Variants in DAZAP1 observed in about 807,000 individuals in gnomAD.
DAZAP1 encodes DAZ associated protein 1.
In DAZAP1, 6 loss-of-function variants were observed where a neutral mutation model predicts 60.1. That is an observed-to-expected ratio of 0.10 (90% CI 0.05 to 0.20). The LOEUF (loss-of-function observed/expected upper bound fraction) is 0.20. Among genes scored for constraint, DAZAP1 ranks in the 10% least tolerant of loss-of-function variants. The pLI is 1.00. For missense variants in DAZAP1, 366 were observed against 560.4 expected (o/e 0.65, Z 3.50); for synonymous variants, 235 against 215.9 (o/e 1.09, Z -0.78).
chr19:1,422,425 C>G lies in DAZAP1; in HGVS notation c.463+29C>G. The G allele has an allele frequency of 6.2e-7, 1 of 1,608,378 alleles. No homozygotes were observed. The highest frequency in any genetic ancestry group is 1.7e-5 in the Admixed American group (1 of 59,890). On this transcript the variant is annotated intron_variant, in intron 6 of 11. Coordinates refer to ENST00000233078, the MANE Select transcript of DAZAP1 (RefSeq NM_018959.4). This position sits in a 1 kb window ranked among gnomAD's most constrained non-coding sequence, Gnocchi z 4.5. The stretch of plus-strand genomic sequence containing the variant: ...AGGGCAGATCTAGTTTGACCTCGGC[C>G]TTCTCCCTGCTCCTCCCTCAGATGG...
intron 1 of DAZAP1, among the ~76,000 whole-genome samples, chr19:1,413,598 C>G (rs1027777936): frequency 3.9e-5 from 6 of 152,224 alleles, no homozygotes; most frequent in Admixed American, 1.3e-4. Flanking sequence ...CACATGGACA[C>G]AGGAAGCTTT....
Position 1,430,233 on chromosome 19 carries a change from C to T in DAZAP1, c.742C>T (p.Pro248Ser). ...PAGQAIGGYGPPPAGRGAPPP... is the reference protein window; with the variant it reads ...PAGQAIGGYGSPPAGRGAPPP... ...ACTGTGTGTTTCAGGTGGCTATGGA[C>T]CGCCCCCTGCAGGAAGAGGAGCCCC... Residue 248 changes from proline (P) to serine (S), a missense_variant, in exon 10 of 12, where the codon CCG becomes TCG. By Grantham distance (74) the Pro-to-Ser change is moderately conservative. Transcript: ENST00000233078. The T allele has an allele frequency of 6.3e-7, 1 of 1,577,758 alleles. No homozygotes were observed. The highest frequency in any genetic ancestry group is 8.6e-7 in the Non-Finnish European group (1 of 1,161,336).
rs755344710 is a variant in DAZAP1, at chr19:1,432,686, G to A, written c.1044G>A (p.Gln348=). The stretch of plus-strand genomic sequence containing the variant: ...CTCAGCCAGACTTCCCCTATGGTCA[G>A]TATGGTAAGTGGTCTCCTGCCATGC... ...PTAQPDFPYG[Q]YAGYGQDLSG... is the part of the protein sequence containing the mutation. The change falls in exon 11 of 12, where the codon CAG becomes CAA. Residue 348 remains glutamine, a synonymous_variant. Coordinates refer to ENST00000233078, the MANE Select transcript of DAZAP1 (RefSeq NM_018959.4). The surrounding 1 kb of genome is among the most constrained non-coding windows in gnomAD (Gnocchi z 4.9). The A allele has an allele frequency of 1.9e-6, 3 of 1,599,164 alleles. No individual in the cohort carries two copies. The highest frequency in any genetic ancestry group is 1.7e-5 in the Admixed American group (1 of 58,942).
chr19:1,426,468 A>T lies in DAZAP1; in HGVS notation c.546+508A>T, dbSNP rs1203008268. 1 of 156,984 alleles carries T rather than the reference A, an allele frequency of 6.4e-6. No individual in the cohort carries two copies. The highest frequency in any genetic ancestry group is 1.4e-5 in the Non-Finnish European group (1 of 71,076). 9.7% of individuals were successfully genotyped at this position (156,984 alleles called of 1,614,324 possible). ...TCACTTACTGTGGAACTCCGGCACCAGCCACATGCTCTCGGTAGTACTCAG... is the reference window on the plus strand; with the variant it reads ...TCACTTACTGTGGAACTCCGGCACCTGCCACATGCTCTCGGTAGTACTCAG... On this transcript the variant is annotated intron_variant, in intron 7 of 11. Coordinates refer to ENST00000233078, the MANE Select transcript of DAZAP1 (RefSeq NM_018959.4). The surrounding 1 kb of genome is among the most constrained non-coding windows in gnomAD (Gnocchi z 5.4).
At position 1,435,097 on chromosome 19, in the gene DAZAP1, T is replaced by C. The variant is rs2083566054; in HGVS notation, c.*185T>C. On this transcript the variant is annotated 3_prime_UTR_variant, in exon 12 of 12. Transcript: ENST00000233078. ...TGAGGTTTTTAAATATTTCTTTCTC[T>C]AACCCATCAGCACAATAAAAAAAAG... 7.2e-6 allele frequency: 3 copies of C among 417,608 alleles called. No individual in the cohort carries two copies. The highest frequency in any genetic ancestry group is 1.2e-5 in the Non-Finnish European group (3 of 244,008). The allele number at this position is 417,608 out of a possible 1,614,324, so 25.9% of individuals were successfully genotyped here. A position where few individuals can be genotyped will look rare whatever the true frequency, so the allele number is the denominator to read the frequency against.
chr19:1,429,551 T>C (rs887882166), intron 8 of DAZAP1, among the ~76,000 whole-genome samples: 49 of 152,280 alleles, frequency 3.2e-4, no homozygotes, highest in Non-Finnish European at 6.6e-4. Context: ...GTCGTCCGGG[T>C]CCCGAGACTG....
At chr19:1,414,705 C>T (rs1336359024) in intron 1 of DAZAP1, among the ~76,000 whole-genome samples, 2 of 151,924 alleles carry the variant, frequency 1.3e-5, no homozygotes, top group Admixed American at 6.6e-5. Context: ...CACTACACTC[C>T]AGCCTGGGCA....
Position 1,420,715 on chromosome 19 carries a change from C to T in DAZAP1, c.304-433C>T, listed in dbSNP as rs116670549. 1.4e-3 allele frequency among the ~76,000 whole-genome samples: 219 copies of T among 152,290 alleles called. 1 individual carries two copies. The highest frequency in any genetic ancestry group is 4.9e-3 in the African/African-American group (204 of 41,542). On this transcript the variant is annotated intron_variant, in intron 4 of 11. Coordinates refer to ENST00000233078, the MANE Select transcript of DAZAP1 (RefSeq NM_018959.4). ...CAGCTCTTGAGCTGCTGGAGGTTTC[C>T]GTAGCCATCATTGTCACCTGCTGGA...
At chr19:1,430,595 A>G (rs1388556247) in intron 10 of DAZAP1, among the ~76,000 whole-genome samples, 1 of 152,232 alleles carries the variant, frequency 6.6e-6, no homozygotes, top group South Asian at 2.1e-4. Flanking sequence ...TGGAGAGCTC[A>G]TAGCAGGAAT....
intron 4 of DAZAP1, among the ~76,000 whole-genome samples, chr19:1,420,827 A>G (rs2083134700): frequency 6.6e-6 from 1 of 152,192 alleles, no homozygotes; most frequent in East Asian, 1.9e-4. Context: ...CCCTGCCTTC[A>G]CACTGGAGCA....
rs2082995381 is a variant in DAZAP1 at position 1,416,743 on chromosome 19, G to C, written c.30-757G>C. The C allele has an allele frequency of 6.6e-6, 1 of 152,462 alleles. No homozygotes were observed. 9.4% of individuals were successfully genotyped at this position (152,462 alleles called of 1,614,324 possible). The stretch of plus-strand genomic sequence containing the variant: ...GGGCGTCGCTGCAGGGTCGATGGCG[G>C]ACGCCTTGGGAGAGCTCCAGCTCTT... On this transcript the variant is annotated intron_variant, in intron 1 of 11. Coordinates refer to ENST00000233078, the MANE Select transcript of DAZAP1 (RefSeq NM_018959.4). The surrounding 1 kb of genome is among the most constrained non-coding windows in gnomAD (Gnocchi z 4.3).
At chr19:1,430,867 C>T (rs1406778704) in intron 10 of DAZAP1, among the ~76,000 whole-genome samples, 2 of 151,416 alleles carry the variant, frequency 1.3e-5, no homozygotes, top group Non-Finnish European at 1.5e-5. Context: ...ACTACAGGCG[C>T]TCGCCACCAC....
At chr19:1,424,123 G>C (rs1277522666) in intron 6 of DAZAP1, among the ~76,000 whole-genome samples, 1 of 151,388 alleles carries the variant, frequency 6.6e-6, no homozygotes, top group Non-Finnish European at 1.5e-5. Flanking sequence ...GAAGGTCATG[G>C]CCATGTCCCT....
intron 6 of DAZAP1, among the ~76,000 whole-genome samples, chr19:1,424,984 A>C (rs1408669639): frequency 6.6e-6 from 1 of 152,200 alleles, no homozygotes; most frequent in African/African-American, 2.4e-5. Context: ...CGCCCACCCC[A>C]GACCCACTAA....
chr19:1,423,274 C>T lies in DAZAP1; in HGVS notation c.463+878C>T, dbSNP rs558137653. Among the ~76,000 whole-genome samples the T allele has an allele frequency of 2.8e-4, 42 of 152,366 alleles. No homozygotes were observed. The highest frequency in any genetic ancestry group is 4.6e-4 in the Non-Finnish European group (31 of 68,038). On this transcript the variant is annotated intron_variant, in intron 6 of 11. Transcript: ENST00000233078. This position sits in a 1 kb window ranked among gnomAD's most constrained non-coding sequence, Gnocchi z 6.8. ...GAGTGCTCCTCCTCCATGTCGGTTA[C>T]GCTGTTAAGTCTTAGTCGTAACTTA... is the stretch of plus-strand genomic sequence containing the variant.
In DAZAP1 at chr19:1,434,532, C is replaced by G. The variant is rs1256842941; in HGVS notation, c.1049-205C>G. 2 of 556,612 alleles carry G rather than the reference C, an allele frequency of 3.6e-6. No homozygotes were observed. The highest frequency in any genetic ancestry group is 4.0e-5 in the African/African-American group (2 of 50,334). The allele number at this position is 556,612 out of a possible 1,614,324, so 34.5% of individuals were successfully genotyped here. A position where few individuals can be genotyped will look rare whatever the true frequency, so the allele number is the denominator to read the frequency against. ...TGGAAGCCGCTTTTCTCTGTGTGTG[C>G]CCCTGCTCACATGTTTTTGAGGGAG... On this transcript the variant is annotated intron_variant, in intron 11 of 11. Coordinates refer to ENST00000233078, the MANE Select transcript of DAZAP1 (RefSeq NM_018959.4). The surrounding 1 kb of genome is among the most constrained non-coding windows in gnomAD (Gnocchi z 8.0).
At position 1,433,585 on chromosome 19, in the gene DAZAP1, C is replaced by G; in HGVS notation, c.1048+895C>G. On this transcript the variant is annotated intron_variant, in intron 11 of 11. Coordinates refer to ENST00000233078, the MANE Select transcript of DAZAP1 (RefSeq NM_018959.4). The surrounding 1 kb of genome is among the most constrained non-coding windows in gnomAD (Gnocchi z 6.1). Reference sequence around the variant, plus strand: ...CCCAGGCCTTGGGCCGAGGTTGCCGCATGTGTGGGTTCTTGACCCACTCAC... The same window carrying G: ...CCCAGGCCTTGGGCCGAGGTTGCCGGATGTGTGGGTTCTTGACCCACTCAC... 1 of 626,068 alleles carries G rather than the reference C, an allele frequency of 1.6e-6. No homozygotes were observed. Among genetic ancestry groups the G allele is most frequent in the Non-Finnish European group, 2.8e-6 (1 of 355,090 alleles). The allele number at this position is 626,068 out of a possible 1,614,324, so 38.8% of individuals were successfully genotyped here.
Position 1,418,757 on chromosome 19 carries a change from C to CACTCCACGTGGAG in DAZAP1, c.303+26_303+27insACTCCACGTGGAG. On this transcript the variant is annotated intron_variant, in intron 4 of 11. Transcript: ENST00000233078. This position sits in a 1 kb window ranked among gnomAD's most constrained non-coding sequence, Gnocchi z 5.7. ...GTAAGGGGCTGGGCCGGGCGGCCTC[C>CACTCCACGTGGAG]TTGTGTGTTCTCCACTCCACGTGGA... 1 of 1,576,854 alleles carries CACTCCACGTGGAG rather than the reference C, an allele frequency of 6.3e-7. No individual in the cohort carries two copies. Among genetic ancestry groups the CACTCCACGTGGAG allele is most frequent in the Non-Finnish European group, 8.6e-7 (1 of 1,162,234 alleles).
At position 1,426,338 on chromosome 19, in the gene DAZAP1, C is replaced by G. The variant is rs2083304654; in HGVS notation, c.546+378C>G. ...ATGTCTGCAAATCCCCATTGTCTGA[C>G]ACTGACCTGTAATGTGATCAGCAAG... On this transcript the variant is annotated intron_variant, in intron 7 of 11. Coordinates refer to ENST00000233078, the MANE Select transcript of DAZAP1 (RefSeq NM_018959.4). This position sits in a 1 kb window ranked among gnomAD's most constrained non-coding sequence, Gnocchi z 5.4. The G allele has an allele frequency of 3.6e-6, 1 of 280,678 alleles. No homozygotes were observed. Among genetic ancestry groups the G allele is most frequent in the South Asian group, 3.6e-5 (1 of 28,114 alleles). The allele number at this position is 280,678 out of a possible 1,614,324, so 17.4% of individuals were successfully genotyped here.
Sources: allele counts gnomAD v4.1 joint callset (sites outside exome capture counted in the v4.1 genomes callset), GRCh38; gene constraint gnomAD v4.1.1; non-coding constraint Gnocchi (gnomAD v3.1); transcripts MANE v1.5; gene names NCBI Gene and HGNC (gene_info 2026-07-23, HGNC 2026-07-21).